ANKFN1: variants seen among roughly 807,000 people sequenced by gnomAD.
ANKFN1 encodes the protein ankyrin repeat and fibronectin type III domain containing 1.
A neutral mutation model predicts 108.7 loss-of-function variants in ANKFN1; 74 were observed. The ratio of observed to expected loss-of-function variants is 0.68; its 90% CI spans 0.56 to 0.83. The LOEUF is 0.83. ANKFN1 is among the 40% of genes least tolerant of loss of function. The pLI is 0.00. For synonymous variants in ANKFN1, 547 were observed against 516.2 expected (o/e 1.06, Z -0.81); for missense variants, 1,505 against 1,382.3 (o/e 1.09, Z -1.41).
intron 2 of ANKFN1, chr17:56,215,836 T>C (rs1915386830): frequency 6.5e-6 from 1 of 152,690 alleles, no homozygotes; most frequent in Admixed American, 6.5e-5. Context: ...CAGGTATCGG[T>C]GCCAGAGGCA....
Position 56,515,059 on chromosome 17 carries a change from A to G in ANKFN1, c.*3790A>G, listed in dbSNP as rs1159449585. On this transcript the variant is annotated 3_prime_UTR_variant, in exon 21 of 21. Transcript: ENST00000682825. ...AGATGTACTTACCTTCTCTTGGAGA[A>G]CTCACTTAACAGCTTAAGTGAGTTC... Among the ~76,000 whole-genome samples the G allele has an allele frequency of 6.6e-6, 1 of 151,604 alleles. No homozygotes were observed. Among genetic ancestry groups the G allele is most frequent in the African/African-American group, 2.4e-5 (1 of 41,266 alleles).
At chr17:56,341,238 A>G (rs1264396402) in intron 4 of ANKFN1, among the ~76,000 whole-genome samples, 1 of 152,054 alleles carries the variant, frequency 6.6e-6, no homozygotes, top group Non-Finnish European at 1.5e-5. Context: ...ATAAGATCAT[A>G]TCATCTGCAA....
intron 3 of ANKFN1, among the ~76,000 whole-genome samples, chr17:56,232,552 T>C (rs1184787663): frequency 6.6e-6 from 1 of 152,182 alleles, no homozygotes; most frequent in African/African-American, 2.4e-5. Context: ...TAAGTAAAAC[T>C]ATTAGGAGTT....
intron 3 of ANKFN1, among the ~76,000 whole-genome samples, chr17:56,274,421 T>C (rs930401721): frequency 1.4e-4 from 21 of 152,074 alleles, no homozygotes; most frequent in Admixed American, 5.2e-4. Flanking sequence ...TGCAGTGAGC[T>C]GAGATCGCGC....
chr17:56,331,732 G>A (rs2045668946), intron 4 of ANKFN1, among the ~76,000 whole-genome samples: 1 of 152,140 alleles, frequency 6.6e-6, no homozygotes, highest in South Asian at 2.1e-4. Context: ...TATGGTCAAA[G>A]CAGCTATTTC....
intron 3 of ANKFN1, among the ~76,000 whole-genome samples, chr17:56,303,986 A>G (rs1598380301): frequency 1.3e-5 from 2 of 151,606 alleles, no homozygotes; most frequent in East Asian, 3.9e-4. Context: ...GTGAGCCACC[A>G]TACCTGGCCA....
At chr17:56,212,351 G>A (rs1304998485) in intron 1 of ANKFN1, among the ~76,000 whole-genome samples, 2 of 152,024 alleles carry the variant, frequency 1.3e-5, no homozygotes, top group East Asian at 3.9e-4. Flanking sequence ...TTATTGACTT[G>A]CAGATGTGAA....
At chr17:56,324,843 C>A (rs1052994740) in intron 3 of ANKFN1, among the ~76,000 whole-genome samples, 1 of 152,182 alleles carries the variant, frequency 6.6e-6, no homozygotes, top group Non-Finnish European at 1.5e-5. Context: ...AAAGCTAAAC[C>A]AAGCTCTTCC....
At chr17:56,050,759 T>TACCATC (rs1349582205) in intron 4 of ANKFN1, among the ~76,000 whole-genome samples, 1 of 152,128 alleles carries the variant, frequency 6.6e-6, no homozygotes, top group African/African-American at 2.4e-5. Context: ...TATATCTCTG[T>TACCATC]TTTGGTACCA....
intron 15 of ANKFN1, among the ~76,000 whole-genome samples, chr17:56,469,128 C>CA (rs1230318064): frequency 6.6e-6 from 1 of 151,930 alleles, no homozygotes; most frequent in Non-Finnish European, 1.5e-5. Context: ...AGAAGGAAAC[C>CA]AAAAATAGAG....
intron 4 of ANKFN1, among the ~76,000 whole-genome samples, chr17:56,077,331 C>A (rs1166245905): frequency 6.6e-6 from 1 of 152,148 alleles, no homozygotes; most frequent in African/African-American, 2.4e-5. Context: ...GGATAAAGAA[C>A]CTTGGGTTGC....
chr17:56,260,555 T>G (rs1304999917), intron 3 of ANKFN1, among the ~76,000 whole-genome samples: 1 of 152,152 alleles, frequency 6.6e-6, no homozygotes, highest in African/African-American at 2.4e-5. Context: ...ACCAGCATTT[T>G]TGATGAGTTA....
intron 20 of ANKFN1, among the ~76,000 whole-genome samples, chr17:56,508,247 T>G (rs566060712): frequency 6.6e-6 from 1 of 152,374 alleles, no homozygotes; most frequent in Admixed American, 6.5e-5. Context: ...GCTCTCATCT[T>G]GTCAATTCTT....
intron 4 of ANKFN1, among the ~76,000 whole-genome samples, chr17:56,110,348 A>T (rs1186191045): frequency 6.6e-6 from 1 of 152,074 alleles, no homozygotes; most frequent in African/African-American, 2.4e-5. Flanking sequence ...AGCACTCCTG[A>T]CTTCTCAGGC....
chr17:56,267,451 A>G (rs1210220553), intron 3 of ANKFN1, among the ~76,000 whole-genome samples: 1 of 152,042 alleles, frequency 6.6e-6, no homozygotes. Flanking sequence ...TTTTTGTTCA[A>G]TTGCTTTTGG....
chr17:56,382,668 G>T (rs993351012), intron 8 of ANKFN1, among the ~76,000 whole-genome samples: 1 of 152,098 alleles, frequency 6.6e-6, no homozygotes, highest in African/African-American at 2.4e-5. Context: ...AAAAAGGCAG[G>T]TGTTGCAATC....
chr17:56,163,149 T>C (rs1222469487), intron 1 of ANKFN1, among the ~76,000 whole-genome samples: 1 of 152,106 alleles, frequency 6.6e-6, no homozygotes, highest in Non-Finnish European at 1.5e-5. Flanking sequence ...ATAAACAGGT[T>C]TTTCTCCCCC....
At chr17:56,178,137 T>C (rs1302269216) in intron 1 of ANKFN1, among the ~76,000 whole-genome samples, 5 of 152,054 alleles carry the variant, frequency 3.3e-5, no homozygotes, top group East Asian at 1.9e-4. Context: ...TCCTAAAAGG[T>C]TGTAGGATTC....
intron 11 of ANKFN1, among the ~76,000 whole-genome samples, chr17:56,454,329 T>A (rs551581249): frequency 1.1e-3 from 167 of 152,338 alleles, no homozygotes; most frequent in African/African-American, 3.8e-3. Flanking sequence ...ACTCTTACTC[T>A]CTTTATAAGG....
Sources: gnomAD v4.1 joint callset for allele counts (sites outside exome capture counted in the v4.1 genomes callset) on GRCh38, gnomAD v4.1.1 for gene constraint, MANE v1.5 for transcripts, NCBI Gene and HGNC (gene_info 2026-07-23, HGNC 2026-07-21) for gene names.